Variants in EVI5 observed in about 807,000 individuals in gnomAD.
The protein encoded by EVI5 is ecotropic viral integration site 5 protein homolog.
In EVI5, 73 loss-of-function variants were observed where a neutral mutation model predicts 112.0. That is an observed-to-expected ratio of 0.65 (90% CI 0.54 to 0.79). The LOEUF is 0.79. Among genes scored for constraint, EVI5 ranks in the 30% least tolerant of loss-of-function variants. EVI5 has a pLI of 0.00. For synonymous variants in EVI5, 305 were observed against 319.9 expected (o/e 0.95, Z 0.50); for missense variants, 900 against 968.8 (o/e 0.93, Z 0.94).
intron 10 of EVI5, among the ~76,000 whole-genome samples, chr1:92,668,087 C>T (rs1665240432): frequency 6.6e-6 from 1 of 152,114 alleles, no homozygotes; most frequent in African/African-American, 2.4e-5. Context: ...CTTTATATAA[C>T]ATATAAAGTA....
At chr1:92,683,943 G>C (rs1228616535) in intron 9 of EVI5, among the ~76,000 whole-genome samples, 1 of 152,202 alleles carries the variant, frequency 6.6e-6, no homozygotes, top group African/African-American at 2.4e-5. Context: ...ACCAGAAAGT[G>C]ATGGGGACAA....
chr1:92,717,647 A>G (rs1673975495), intron 2 of EVI5, among the ~76,000 whole-genome samples: 1 of 152,210 alleles, frequency 6.6e-6, no homozygotes, highest in Non-Finnish European at 1.5e-5. Flanking sequence ...TAACGGGCAA[A>G]ATAACCAGCT....
At chr1:92,624,689 CAAAAAAAAAA>C (rs141559165) in intron 15 of EVI5, among the ~76,000 whole-genome samples, 4 of 51,736 alleles carry the variant, frequency 7.7e-5, no homozygotes, top group South Asian at 1.1e-3. Flanking sequence ...GTCTCTACTT[CAAAAAAAAAA>C]AAAAAAAAAA....
At chr1:92,564,646 AC>A (rs1380266737) in intron 18 of EVI5, among the ~76,000 whole-genome samples, 1 of 151,242 alleles carries the variant, frequency 6.6e-6, no homozygotes, top group Non-Finnish European at 1.5e-5. Flanking sequence ...TTCTTATACC[AC>A]CTGAAAACGA....
chr1:92,785,488 G>T (rs1397453443), upstream of EVI5, among the ~76,000 whole-genome samples: 3 of 152,202 alleles, frequency 2.0e-5, no homozygotes, highest in Non-Finnish European at 4.4e-5. Flanking sequence ...AGGCAGCCCC[G>T]AGCTCCCCCA....
At chr1:92,771,507 A>G (rs1227933284) in intron 1 of EVI5, among the ~76,000 whole-genome samples, 5 of 152,020 alleles carry the variant, frequency 3.3e-5, no homozygotes, top group Admixed American at 6.5e-5. Flanking sequence ...CTCACCCCAT[A>G]TATCAAGTCT....
intron 1 of EVI5, among the ~76,000 whole-genome samples, chr1:92,783,902 GTTAC>G (rs754780600): frequency 6.6e-6 from 1 of 151,396 alleles, no homozygotes; most frequent in East Asian, 1.9e-4. Flanking sequence ...AACAAAAAAA[GTTAC>G]TTACATCAGC....
chr1:92,701,588 C>T (rs1383857492), intron 5 of EVI5, among the ~76,000 whole-genome samples: 6 of 152,048 alleles, frequency 3.9e-5, no homozygotes, highest in Non-Finnish European at 7.4e-5. Flanking sequence ...CCCTTCAAAG[C>T]TATGATTATC....
At chr1:92,709,597 G>GA (rs1672528229) in intron 2 of EVI5, among the ~76,000 whole-genome samples, 2 of 152,040 alleles carry the variant, frequency 1.3e-5, no homozygotes, top group Admixed American at 1.3e-4. Flanking sequence ...ATTCTCTAAA[G>GA]AAAAACTTTA....
intron 10 of EVI5, among the ~76,000 whole-genome samples, chr1:92,675,259 G>A (rs1558045505): frequency 6.6e-6 from 1 of 152,164 alleles, no homozygotes; most frequent in Non-Finnish European, 1.5e-5. Flanking sequence ...TGAGAGGATC[G>A]CTTGAGCGCG....
intron 1 of EVI5, among the ~76,000 whole-genome samples, chr1:92,739,955 G>GT (rs1254618819): frequency 1.4e-5 from 2 of 139,158 alleles, no homozygotes; most frequent in Non-Finnish European, 3.1e-5. Flanking sequence ...ATCTTTAAAT[G>GT]TCAAAAGTCA....
chr1:92,764,869 C>G (rs1682367101), intron 1 of EVI5, among the ~76,000 whole-genome samples: 1 of 152,048 alleles, frequency 6.6e-6, no homozygotes, highest in African/African-American at 2.4e-5. Context: ...GTCTGTGTAT[C>G]CGAAATAAGT....
chr1:92,769,836 G>A (rs1382872800), intron 1 of EVI5, among the ~76,000 whole-genome samples: 5 of 152,100 alleles, frequency 3.3e-5, no homozygotes, highest in African/African-American at 9.7e-5. Context: ...GCAGTGAGCC[G>A]AGATGGCACC....
In EVI5 at chr1:92,755,962, C is replaced by T. The variant is rs116932063; in HGVS notation, c.-81-19335G>A. Reference sequence around the variant, plus strand: ...TTGCTGACTTGACTGCCATTGTGAGCGATCACGTCACGCTCTTTCTACACC... The same window carrying T: ...TTGCTGACTTGACTGCCATTGTGAGTGATCACGTCACGCTCTTTCTACACC... On this transcript the variant is annotated intron_variant, in intron 1 of 19. Coordinates refer to ENST00000684568, the MANE Select transcript of EVI5 (RefSeq NM_001350197.2). 3.2e-4 allele frequency: 55 copies of T among 170,170 alleles called. No homozygotes were observed. The East Asian group carries it at 8.4e-3, about 26-fold the overall frequency. The allele number at this position is 170,170 out of a possible 1,614,324, so 10.5% of individuals were successfully genotyped here. A position where few individuals can be genotyped will look rare whatever the true frequency, so the allele number is the denominator to read the frequency against.
intron 19 of EVI5, among the ~76,000 whole-genome samples, chr1:92,520,964 CTTTTT>C (rs375289358): frequency 1.4e-5 from 2 of 142,280 alleles, no homozygotes; most frequent in Non-Finnish European, 3.1e-5. Flanking sequence ...GCTGCTTCTT[CTTTTT>C]TTTTTTTTTT....
At chr1:92,594,126 G>T (rs1253919106) in intron 18 of EVI5, among the ~76,000 whole-genome samples, 1 of 152,124 alleles carries the variant, frequency 6.6e-6, no homozygotes, top group Non-Finnish European at 1.5e-5. Flanking sequence ...TAAGCCAAAA[G>T]AAAAAAGCTG....
chr1:92,574,890 G>A (rs555598598), intron 18 of EVI5, among the ~76,000 whole-genome samples: 2 of 152,172 alleles, frequency 1.3e-5, no homozygotes, highest in Admixed American at 1.3e-4. Flanking sequence ...ACTTTCTTAG[G>A]TAGGAAGACA....
At chr1:92,651,453 G>C (rs1662073434) in intron 13 of EVI5, among the ~76,000 whole-genome samples, 1 of 152,124 alleles carries the variant, frequency 6.6e-6, no homozygotes. Flanking sequence ...GAATTTTAAA[G>C]TTAAAAAAAG....
intron 2 of EVI5, among the ~76,000 whole-genome samples, chr1:92,707,200 AC>A (rs66846039): frequency 0.73 from 79,932 of 109,098 alleles, 30,538 homozygotes; most frequent in East Asian, 0.83. Flanking sequence ...AAAAAAAAAA[AC>A]ACAAGAAAAC....
Sources: gnomAD v4.1 joint callset for allele counts (sites outside exome capture counted in the v4.1 genomes callset) on GRCh38, gnomAD v4.1.1 for gene constraint, MANE v1.5 for transcripts, NCBI Gene and HGNC (gene_info 2026-07-23, HGNC 2026-07-21) for gene names.